MSRA: variants seen among roughly 807,000 people sequenced by gnomAD.
The protein encoded by MSRA is mitochondrial peptide methionine sulfoxide reductase.
A neutral mutation model predicts 31.3 loss-of-function variants in MSRA; 54 were observed. The ratio of observed to expected loss-of-function variants is 1.73; its 90% CI spans 1.39 to 2.17. The LOEUF is 2.17. Ranked by LOEUF, MSRA falls within the 30% of genes most tolerant of loss-of-function variation. The pLI, the probability that MSRA is intolerant of heterozygous loss-of-function variation, is 0.00. For synonymous variants in MSRA, 169 were observed against 116.5 expected (o/e 1.45, Z -2.90); for missense variants, 507 against 300.9 (o/e 1.69, Z -5.07).
At chr8:10,205,806 C>T (rs917599785) in intron 1 of MSRA, among the ~76,000 whole-genome samples, 1 of 152,150 alleles carries the variant, frequency 6.6e-6, no homozygotes, top group Non-Finnish European at 1.5e-5. Context: ...TCATTATAGT[C>T]TATGTAGAAG....
chr8:10,225,963 T>G (rs528905143), intron 2 of MSRA, among the ~76,000 whole-genome samples: 1 of 152,126 alleles, frequency 6.6e-6, no homozygotes, highest in Non-Finnish European at 1.5e-5. Context: ...TGGCATGCCA[T>G]AGGAAAAAAT....
chr8:10,130,156 C>G (rs1267348351), intron 1 of MSRA, among the ~76,000 whole-genome samples: 1 of 152,194 alleles, frequency 6.6e-6, no homozygotes, highest in Non-Finnish European at 1.5e-5. Context: ...CAGGCAGTCC[C>G]TTATCCTCAC....
At chr8:10,076,130 C>T in intron 1 of MSRA, among the ~76,000 whole-genome samples, 1 of 152,208 alleles carries the variant, frequency 6.6e-6, no homozygotes, top group East Asian at 1.9e-4. Context: ...TCAGTTTTCT[C>T]ATTTGTAAAA....
intron 5 of MSRA, among the ~76,000 whole-genome samples, chr8:10,334,294 A>G (rs1463814574): frequency 6.6e-6 from 1 of 152,134 alleles, no homozygotes; most frequent in Non-Finnish European, 1.5e-5. Flanking sequence ...CATTTTAAAC[A>G]CAGCATTTCA....
At chr8:10,146,623 T>G (rs1319642300) in intron 1 of MSRA, among the ~76,000 whole-genome samples, 2 of 152,184 alleles carry the variant, frequency 1.3e-5, no homozygotes, top group South Asian at 2.1e-4. Context: ...TGTACAACTT[T>G]CTGAATAGAC....
intron 1 of MSRA, among the ~76,000 whole-genome samples, chr8:10,069,285 C>T (rs370752750): frequency 2.3e-4 from 35 of 152,290 alleles, no homozygotes; most frequent in Non-Finnish European, 4.7e-4. Flanking sequence ...GCTAGGACTT[C>T]TAGTATGATG....
At chr8:10,332,530 C>T (rs7832708) in intron 5 of MSRA, among the ~76,000 whole-genome samples, 75,272 of 150,518 alleles carry the variant, frequency 0.5, 20,201 homozygotes, top group East Asian at 0.99. Context: ...GTTAAAATTA[C>T]GGGTGTTATT....
chr8:10,316,154 G>C (rs1368186330), intron 4 of MSRA, among the ~76,000 whole-genome samples: 2 of 151,966 alleles, frequency 1.3e-5, no homozygotes, highest in African/African-American at 2.4e-5. Flanking sequence ...GTGATAGATA[G>C]TGACCGTATT....
At chr8:10,242,371 G>C (rs138254948) in intron 2 of MSRA, among the ~76,000 whole-genome samples, 1 of 152,224 alleles carries the variant, frequency 6.6e-6, no homozygotes, top group African/African-American at 2.4e-5. Flanking sequence ...AAGAAACATA[G>C]GAAGTGATTA....
Position 10,216,250 on chromosome 8 carries a change from A to G in MSRA, c.211+8349A>G, listed in dbSNP as rs1488648289. On this transcript the variant is annotated intron_variant, in intron 2 of 5. Coordinates refer to ENST00000317173, the MANE Select transcript of MSRA (RefSeq NM_012331.5). ...CATGCATTAGAATTAGGTAAATATTAGGCCAAAGGAAAAGAAAGTGAAATG... is the reference window on the plus strand; with the variant it reads ...CATGCATTAGAATTAGGTAAATATTGGGCCAAAGGAAAAGAAAGTGAAATG... 2.0e-5 allele frequency among the ~76,000 whole-genome samples: 3 copies of G among 152,234 alleles called. No individual in the cohort carries two copies. In the East Asian group the frequency reaches 5.8e-4, roughly 29 times the overall value.
intron 5 of MSRA, among the ~76,000 whole-genome samples, chr8:10,339,992 G>T (rs1803320224): frequency 6.6e-6 from 1 of 152,160 alleles, no homozygotes; most frequent in Admixed American, 6.5e-5. Flanking sequence ...CAAGGCAGCT[G>T]CCCTAGCTGC....
At chr8:10,275,009 T>C (rs1461685563) in intron 3 of MSRA, among the ~76,000 whole-genome samples, 1 of 152,214 alleles carries the variant, frequency 6.6e-6, no homozygotes, top group Non-Finnish European at 1.5e-5. Flanking sequence ...TTCCAAGGAC[T>C]ATATATGATA....
chr8:10,250,805 C>A, intron 3 of MSRA: 1 of 262,306 alleles, frequency 3.8e-6, no homozygotes, highest in East Asian at 7.5e-5. Context: ...GGCAATGCTG[C>A]TTGATGAAAC....
intron 3 of MSRA, among the ~76,000 whole-genome samples, chr8:10,287,285 C>T (rs746855028): frequency 6.6e-6 from 1 of 152,188 alleles, no homozygotes; most frequent in Non-Finnish European, 1.5e-5. Context: ...CCTGAATGAC[C>T]TGAATTAAGC....
At chr8:10,227,106 G>C (rs1811067164) in intron 2 of MSRA, among the ~76,000 whole-genome samples, 1 of 152,198 alleles carries the variant, frequency 6.6e-6, no homozygotes, top group Non-Finnish European at 1.5e-5. Flanking sequence ...ACACAGTGAG[G>C]CACATTCTGA....
chr8:10,323,454 T>C (rs1802172677), intron 5 of MSRA, among the ~76,000 whole-genome samples: 1 of 152,094 alleles, frequency 6.6e-6, no homozygotes, highest in East Asian at 1.9e-4. Context: ...CAATGAAGAT[T>C]TTCAGTTCAA....
intron 2 of MSRA, among the ~76,000 whole-genome samples, chr8:10,230,609 T>A (rs1252673823): frequency 6.6e-6 from 1 of 152,228 alleles, no homozygotes; most frequent in Non-Finnish European, 1.5e-5. Flanking sequence ...TATCTGTCAG[T>A]CTGTATAAAC....
chr8:10,204,574 C>A (rs1808779130), intron 1 of MSRA, among the ~76,000 whole-genome samples: 1 of 152,180 alleles, frequency 6.6e-6, no homozygotes, highest in African/African-American at 2.4e-5. Context: ...ATAGACTATA[C>A]CACATAGCCA....
At chr8:10,337,734 C>G (rs1295136269) in intron 5 of MSRA, 1 of 702,650 alleles carries the variant, frequency 1.4e-6, no homozygotes, top group Non-Finnish European at 2.6e-6. Flanking sequence ...TCTTCCTCAG[C>G]CATGCTGGGG....
Sources: allele counts gnomAD v4.1 joint callset (sites outside exome capture counted in the v4.1 genomes callset), GRCh38; gene constraint gnomAD v4.1.1; transcripts MANE v1.5; gene names NCBI Gene and HGNC (gene_info 2026-07-23, HGNC 2026-07-21).